The following COX7B2 variants were observed in gnomAD, a reference collection of about 807,000 sequenced individuals.
The protein encoded by COX7B2 is cytochrome c oxidase subunit 7B2.
For missense variants in COX7B2, 109 were observed against 95.9 expected, an observed-to-expected ratio of 1.14 and a Z score of -0.57; for synonymous variants, 37 against 32.1, an observed-to-expected ratio of 1.15 and a Z score of -0.51.
chr4:46,810,206 G>A (rs1374498476), intron 2 of COX7B2, among the ~76,000 whole-genome samples: 2 of 151,982 alleles, frequency 1.3e-5, no homozygotes, highest in Non-Finnish European at 2.9e-5. Context: ...TGTGTTGAAT[G>A]TAAATGGATC....
intron 2 of COX7B2, among the ~76,000 whole-genome samples, chr4:46,776,870 C>A (rs1463253502): frequency 6.6e-6 from 1 of 152,150 alleles, no homozygotes. Flanking sequence ...GATCACCATA[C>A]ACCAGCTAGT....
At chr4:46,766,307 G>A (rs1440016104) in intron 2 of COX7B2, among the ~76,000 whole-genome samples, 1 of 152,072 alleles carries the variant, frequency 6.6e-6, no homozygotes. Flanking sequence ...AAAAACAAAA[G>A]TACTAAAAAT....
chr4:46,742,917 A>G (rs1209967517), intron 2 of COX7B2, among the ~76,000 whole-genome samples: 2 of 152,164 alleles, frequency 1.3e-5, no homozygotes, highest in Admixed American at 1.3e-4. Flanking sequence ...GAGAATAATC[A>G]CAGTGTTCAT....
chr4:46,743,457 T>C (rs1577649041), intron 2 of COX7B2, among the ~76,000 whole-genome samples: 1 of 152,162 alleles, frequency 6.6e-6, no homozygotes, highest in East Asian at 1.9e-4. Context: ...AAAAGTATAT[T>C]CCATCCCAGT....
intron 2 of COX7B2, among the ~76,000 whole-genome samples, chr4:46,837,244 G>C (rs1355077090): frequency 6.7e-6 from 1 of 148,798 alleles, no homozygotes; most frequent in Admixed American, 6.8e-5. Context: ...CAGATGAATG[G>C]ATAAAATGTA....
Position 46,735,148 on chromosome 4 carries a change from A to T in COX7B2, c.45T>A (p.Ile15=). The T allele has an allele frequency of 6.2e-7, 1 of 1,613,456 alleles. No homozygotes were observed. Among genetic ancestry groups the T allele is most frequent in the Non-Finnish European group, 8.5e-7 (1 of 1,179,810 alleles). ...LARNALSSLK[I]QSILQSMARH... ...TTGCCATGCTTTGCAGAATGCTTTG[A>T]ATCTTGAGACTGCTTAGTGCATTTC... Residue 15 remains isoleucine (I), a synonymous_variant, in exon 3 of 3, where the codon ATT becomes ATA. Transcript: ENST00000355591.
intron 2 of COX7B2, among the ~76,000 whole-genome samples, chr4:46,738,087 G>T (rs541269724): frequency 2.6e-5 from 4 of 152,106 alleles, no homozygotes; most frequent in Non-Finnish European, 5.9e-5. Context: ...GGTATGACAG[G>T]TGCAGCCTTA....
chr4:46,897,121 T>A (rs1473989314), intron 1 of COX7B2, among the ~76,000 whole-genome samples: 1 of 152,164 alleles, frequency 6.6e-6, no homozygotes, highest in South Asian at 2.1e-4. Context: ...AAATGTCCTA[T>A]GTTAGCCTCA....
intron 2 of COX7B2, among the ~76,000 whole-genome samples, chr4:46,816,515 AT>A: frequency 6.6e-6 from 1 of 152,310 alleles, no homozygotes; most frequent in Admixed American, 6.5e-5. Flanking sequence ...ATTTATAGTT[AT>A]TATATCTATT....
rs574183546 is a variant in COX7B2 at position 46,782,084 on chromosome 4, C to T, written c.-49-46843G>A. Among the ~76,000 whole-genome samples, 5 of 152,274 alleles carry T rather than the reference C, an allele frequency of 3.3e-5. No homozygotes were observed. The East Asian group carries it at 7.8e-4, about 24-fold the overall frequency. ...CTGGTGGGCAGCTCTGCCCATGGCC[C>T]CTGCGCAGGATCCACTAGGCAAAGC... On this transcript the variant is annotated intron_variant, in intron 2 of 2. Coordinates refer to ENST00000355591, the MANE Select transcript of COX7B2 (RefSeq NM_130902.3).
At position 46,876,998 on chromosome 4, in the gene COX7B2, T is replaced by A. The variant is rs115152363; in HGVS notation, c.-104-31984A>T. ...AAGAAATCATATTATCACTTTGAGT[T>A]CACAATGTTAAGTTTTTGAACTAAA... On this transcript the variant is annotated intron_variant, in intron 1 of 2. Coordinates refer to ENST00000355591, the MANE Select transcript of COX7B2 (RefSeq NM_130902.3). Among the ~76,000 whole-genome samples the A allele has an allele frequency of 6.7e-3, 1,016 of 152,308 alleles. 13 individuals carry two copies. Among genetic ancestry groups the A allele is most frequent in the African/African-American group, 0.023 (952 of 41,568 alleles).
intron 2 of COX7B2, among the ~76,000 whole-genome samples, chr4:46,757,776 T>G (rs1188126334): frequency 6.6e-6 from 1 of 152,066 alleles, no homozygotes; most frequent in African/African-American, 2.4e-5. Flanking sequence ...AGCTCAGGTG[T>G]GCAATAAATA....
intron 2 of COX7B2, among the ~76,000 whole-genome samples, chr4:46,832,946 C>T (rs139083087): frequency 3.9e-4 from 60 of 151,948 alleles, no homozygotes; most frequent in African/African-American, 1.4e-3. Context: ...GCTCTTGTTG[C>T]CCAGGCTGGA....
chr4:46,743,622 T>C (rs1714841956), intron 2 of COX7B2, among the ~76,000 whole-genome samples: 1 of 152,194 alleles, frequency 6.6e-6, no homozygotes, highest in South Asian at 2.1e-4. Flanking sequence ...TTCGATGTTA[T>C]CTAAGTTTTG....
intron 2 of COX7B2, among the ~76,000 whole-genome samples, chr4:46,762,442 T>G: frequency 7.3e-6 from 1 of 137,030 alleles, no homozygotes; most frequent in Non-Finnish European, 1.5e-5. Context: ...ATATATACTG[T>G]ATATATATAC....
chr4:46,822,300 T>C (rs1299765920), intron 2 of COX7B2, among the ~76,000 whole-genome samples: 2 of 151,836 alleles, frequency 1.3e-5, no homozygotes, highest in East Asian at 1.9e-4. Context: ...AAAACTAACA[T>C]GGCGTAAGCC....
intron 2 of COX7B2, among the ~76,000 whole-genome samples, chr4:46,744,377 G>T (rs1714896074): frequency 6.6e-6 from 1 of 151,820 alleles, no homozygotes; most frequent in Non-Finnish European, 1.5e-5. Flanking sequence ...TCGGAGAGAC[G>T]AATTTGAGAT....
chr4:46,737,306 G>A (rs1374510075), intron 2 of COX7B2, among the ~76,000 whole-genome samples: 1 of 151,944 alleles, frequency 6.6e-6, no homozygotes, highest in Non-Finnish European at 1.5e-5. Flanking sequence ...TCTTATTGTT[G>A]AATTTTAAGA....
At chr4:46,899,222 C>T (rs545774320) in intron 1 of COX7B2, among the ~76,000 whole-genome samples, 1 of 152,224 alleles carries the variant, frequency 6.6e-6, no homozygotes, top group Admixed American at 6.5e-5. Context: ...CTATATTATA[C>T]TGTATGCTAA....
Sources: gnomAD v4.1 joint callset for allele counts (sites outside exome capture counted in the v4.1 genomes callset) on GRCh38, gnomAD v4.1.1 for gene constraint, MANE v1.5 for transcripts, NCBI Gene and HGNC (gene_info 2026-07-23, HGNC 2026-07-21) for gene names.